INTS6L: variants seen among roughly 807,000 people sequenced by gnomAD.
INTS6L encodes integrator complex subunit 6 like.
A neutral mutation model predicts 64.7 loss-of-function variants in INTS6L; 18 were observed. The ratio of observed to expected loss-of-function variants is 0.28; its 90% CI spans 0.19 to 0.41. The LOEUF (loss-of-function observed/expected upper bound fraction) is 0.41, where lower values mean the gene tolerates loss of function less well. INTS6L is among the 10% of genes least tolerant of loss of function. The pLI, the probability that INTS6L is intolerant of heterozygous loss-of-function variation, is 1.00. For missense variants in INTS6L, 533 were observed against 661.0 expected, an observed-to-expected ratio of 0.81 and a Z score of 2.12; for synonymous variants, 227 against 235.9, an observed-to-expected ratio of 0.96 and a Z score of 0.34.
chrX:135,521,739 A>G (rs1253233982), intron 2 of INTS6L, among the ~76,000 whole-genome samples: 1 of 39,724 alleles, frequency 2.5e-5, no homozygotes, highest in Admixed American at 3.0e-4. Context: ...TTCGAGGCGC[A>G]CCGCGCGAGG....
At chrX:135,528,871 C>CG (rs1450243474) in intron 2 of INTS6L, among the ~76,000 whole-genome samples, 1 of 69,786 alleles carries the variant, frequency 1.4e-5, no homozygotes, top group Admixed American at 1.7e-4. Flanking sequence ...TGAACACCCC[C>CG]CCCCCCGACC....
At chrX:135,521,698 C>G (rs1602764993) in intron 2 of INTS6L, among the ~76,000 whole-genome samples, 1 of 108,972 alleles carries the variant, frequency 9.2e-6, no homozygotes, top group Non-Finnish European at 1.9e-5. Context: ...GGCCCGAAAC[C>G]CGGAGGGAGG....
chrX:135,546,982 A>G, intron 5 of INTS6L, 97 bp downstream of exon 5: 7 of 1,109,891 alleles, frequency 6.3e-6, no homozygotes, highest in Non-Finnish European at 8.5e-6. Flanking sequence ...TTTTCCTTCA[A>G]AGCCTTTTAA....
chrX:135,549,831 A>G, intron 7 of INTS6L, 26 bp downstream of exon 7: 1 of 1,202,517 alleles, frequency 8.3e-7, no homozygotes, highest in Non-Finnish European at 1.1e-6. Flanking sequence ...TAAAAAGGTA[A>G]ACATCATTCT....
chrX:135,528,278 C>T (rs1286954694), intron 2 of INTS6L, among the ~76,000 whole-genome samples: 3 of 111,787 alleles, frequency 2.7e-5, no homozygotes, highest in Admixed American at 9.5e-5. Flanking sequence ...TCCCAGGAAC[C>T]TTTTTAACCC....
chrX:135,557,710 C>G (rs782622715), intron 9 of INTS6L, among the ~76,000 whole-genome samples: 52 of 111,847 alleles, frequency 4.6e-4, no homozygotes, highest in Non-Finnish European at 7.0e-4. Context: ...GAGATAATTG[C>G]AGATTCACAT....
At chrX:135,572,213 A>G (rs1259589790) in intron 11 of INTS6L, 1 of 112,541 alleles carries the variant, frequency 8.9e-6, no homozygotes, top group Non-Finnish European at 1.9e-5. Flanking sequence ...ATTAATCAAT[A>G]TGGTATCACA....
chrX:135,576,998 G>A (rs1397249575), intron 14 of INTS6L, among the ~76,000 whole-genome samples, 195 bp from the exon 15 acceptor site: 3 of 111,046 alleles, frequency 2.7e-5, no homozygotes, highest in African/African-American at 9.8e-5. Flanking sequence ...TTGGGGTGGG[G>A]TAAGATAAAT....
chrX:135,527,291 G>A (rs1037049609), intron 2 of INTS6L, among the ~76,000 whole-genome samples: 7 of 112,004 alleles, frequency 6.2e-5, no homozygotes, highest in Non-Finnish European at 1.1e-4. Flanking sequence ...CGGCAGTCTC[G>A]GCATTCATTT....
At chrX:135,572,637 CT>C (rs1556528310) in intron 11 of INTS6L, 177 bp from the exon 12 acceptor site, 2 of 383,602 alleles carry the variant, frequency 5.2e-6, no homozygotes, top group African/African-American at 5.1e-5. Flanking sequence ...TTCCTGCCCC[CT>C]ATCTGTTTGC....
rs919479682 is a variant in INTS6L, at chrX:135,582,495, G to A, written c.*859G>A. ...CATATATAAAATAAATCATTTTATTGATTTTCACAAGTTCATTAATGCTGG... is the reference window on the plus strand; with the variant it reads ...CATATATAAAATAAATCATTTTATTAATTTTCACAAGTTCATTAATGCTGG... On this transcript the variant is annotated 3_prime_UTR_variant, in exon 18 of 18. Transcript: ENST00000639893. The A allele has an allele frequency of 4.5e-5, 5 of 112,265 alleles. No individual in the cohort carries two copies. The highest frequency in any genetic ancestry group is 1.6e-4 in the African/African-American group (5 of 30,931). 9.3% of individuals were successfully genotyped at this position (112,265 alleles called of 1,213,427 possible).
intron 2 of INTS6L, among the ~76,000 whole-genome samples, chrX:135,538,644 A>G (rs1556510642): frequency 8.9e-6 from 1 of 112,502 alleles, no homozygotes; most frequent in Non-Finnish European, 1.9e-5. Context: ...GACGCATCAC[A>G]GGAATCACTA....
chrX:135,576,028 A>G (rs946570774), intron 14 of INTS6L, among the ~76,000 whole-genome samples: 4 of 111,884 alleles, frequency 3.6e-5, no homozygotes, highest in Non-Finnish European at 7.5e-5. Context: ...ACTGGGGATA[A>G]TAATTACACC....
chrX:135,573,660 G>A (rs2087147903), intron 12 of INTS6L, among the ~76,000 whole-genome samples: 2 of 112,506 alleles, frequency 1.8e-5, no homozygotes, highest in Non-Finnish European at 3.8e-5. Flanking sequence ...TCTAGAGTAC[G>A]AGCAGTGGTC....
At chrX:135,528,871 C>CA (rs1450243474) in intron 2 of INTS6L, among the ~76,000 whole-genome samples, 2 of 69,786 alleles carry the variant, frequency 2.9e-5, no homozygotes, top group African/African-American at 1.1e-4. Context: ...TGAACACCCC[C>CA]CCCCCCGACC....
At chrX:135,557,439 T>C (rs935710048) in intron 9 of INTS6L, among the ~76,000 whole-genome samples, 1 of 111,690 alleles carries the variant, frequency 9.0e-6, no homozygotes, top group African/African-American at 3.3e-5. Context: ...AAGCTGTACA[T>C]ATTTAATGTA....
At chrX:135,535,848 T>C (rs2086037380) in intron 2 of INTS6L, among the ~76,000 whole-genome samples, 1 of 112,035 alleles carries the variant, frequency 8.9e-6, no homozygotes, top group Non-Finnish European at 1.9e-5. Context: ...AAGAGCCCAA[T>C]GTCCAGGATA....
rs574138186 is a variant in INTS6L at position 135,530,666 on chromosome X, C to A, written c.189+9348C>A. 8.0e-5 allele frequency among the ~76,000 whole-genome samples: 9 copies of A among 112,020 alleles called. No individual in the cohort carries two copies. In the South Asian group the frequency reaches 3.3e-3, roughly 41 times the overall value. On this transcript the variant is annotated intron_variant, in intron 2 of 17. Coordinates refer to ENST00000639893, the MANE Select transcript of INTS6L (RefSeq NM_001351601.3). ...CCTTTGCAGAGTTTTGTGTATCAGC[C>A]TGAGCCTTATCTGCTGGTGTGGTCT...
chrX:135,528,121 A>G (rs1466064845), intron 2 of INTS6L, among the ~76,000 whole-genome samples: 1 of 111,186 alleles, frequency 9.0e-6, no homozygotes, highest in Non-Finnish European at 1.9e-5. Context: ...AAGTCTTTGT[A>G]AACATGGCCT....
Sources: gnomAD v4.1 joint callset for allele counts (sites outside exome capture counted in the v4.1 genomes callset) on GRCh38, gnomAD v4.1.1 for gene constraint, MANE v1.5 for transcripts, NCBI Gene and HGNC (gene_info 2026-07-23, HGNC 2026-07-21) for gene names.